The following PCLO variants were observed in gnomAD, a reference collection of about 807,000 sequenced individuals.
The protein encoded by PCLO is piccolo presynaptic cytomatrix protein, also known as protein piccolo.
In PCLO, 82 loss-of-function variants were observed where a neutral mutation model predicts 427.5. The observed-to-expected ratio is 0.19, with a 90% CI of 0.16 to 0.23. The LOEUF (loss-of-function observed/expected upper bound fraction) is 0.23. Ranked by LOEUF, PCLO falls within the 10% of genes least tolerant of loss-of-function variation. The pLI, the probability that PCLO is intolerant of heterozygous loss-of-function variation, is 1.00. For synonymous variants in PCLO, 2,357 were observed against 2,155.4 expected (o/e 1.09, Z -2.59); for missense variants, 6,239 against 6,115.9 (o/e 1.02, Z -0.67).
At chr7:83,154,655 G>T in intron 2 of PCLO, 93 bp downstream of exon 2, 1 of 922,020 alleles carries the variant, frequency 1.1e-6, no homozygotes, top group Non-Finnish European at 1.7e-6. Context: ...GAAAGACAAT[G>T]CCATCATGTC....
intron 3 of PCLO, among the ~76,000 whole-genome samples, chr7:83,017,219 G>C (rs1219496192): frequency 2.6e-5 from 4 of 152,094 alleles, no homozygotes; most frequent in African/African-American, 9.7e-5. Flanking sequence ...TATATCTTCT[G>C]TGAGGTAATG....
chr7:82,904,613 A>T (rs776778910), intron 8 of PCLO, among the ~76,000 whole-genome samples: 1 of 151,972 alleles, frequency 6.6e-6, no homozygotes, highest in African/African-American at 2.4e-5. Flanking sequence ...TCACAAATAA[A>T]CTAAGAAAAC....
At chr7:82,970,171 T>G (rs971010540) in intron 3 of PCLO, among the ~76,000 whole-genome samples, 1 of 151,958 alleles carries the variant, frequency 6.6e-6, no homozygotes, top group African/African-American at 2.4e-5. Context: ...AGGTAAAAAT[T>G]AAACAATAAA....
At chr7:83,073,510 G>A (rs1357795306) in intron 3 of PCLO, among the ~76,000 whole-genome samples, 2 of 151,964 alleles carry the variant, frequency 1.3e-5, no homozygotes, top group Admixed American at 1.3e-4. Flanking sequence ...TGCATTGGAG[G>A]AGAAACATAC....
chr7:82,947,674 GA>G (rs971754400), intron 6 of PCLO, among the ~76,000 whole-genome samples: 12 of 152,040 alleles, frequency 7.9e-5, no homozygotes, highest in Admixed American at 5.9e-4. Flanking sequence ...CTGGAAAAAA[GA>G]ACCAATGAAT....
intron 9 of PCLO, among the ~76,000 whole-genome samples, chr7:82,897,021 G>GA (rs893964422): frequency 2.0e-5 from 3 of 150,820 alleles, no homozygotes; most frequent in African/African-American, 4.9e-5. Context: ...TTTTAAATAA[G>GA]AAAAAAAAGG....
At chr7:82,994,558 C>T (rs1462428072) in intron 3 of PCLO, among the ~76,000 whole-genome samples, 2 of 151,650 alleles carry the variant, frequency 1.3e-5, no homozygotes, top group Non-Finnish European at 2.9e-5. Flanking sequence ...GAATAAATGA[C>T]TTGATCAGAT....
rs116596116 is a variant in PCLO, at chr7:82,760,317, C to T, written c.15288+322G>A. 7.0e-3 allele frequency among the ~76,000 whole-genome samples: 1,070 copies of T among 151,884 alleles called. 9 individuals are homozygous for T. Among genetic ancestry groups the T allele is most frequent in the African/African-American group, 0.025 (1,020 of 41,472 alleles). ...AACTAAAGGGATAAGGCATAAATGA[C>T]AATAGGCCAGGTAAACAGATGAAAT... On this transcript the variant is annotated intron_variant, in intron 24 of 24. Transcript: ENST00000333891.
intron 2 of PCLO, among the ~76,000 whole-genome samples, chr7:83,144,563 A>G (rs6946416): frequency 0.021 from 3,123 of 152,266 alleles, 46 homozygotes; most frequent in Non-Finnish European, 0.031. Context: ...TTTTACATAG[A>G]TATATGTATA....
rs910107627 is a variant in PCLO at position 83,022,335 on chromosome 7, C to A, written c.3301-55848G>T. On this transcript the variant is annotated intron_variant, in intron 3 of 24. Transcript: ENST00000333891. ...AGTCTAAGGTATTTTATTAGAGCAG[C>A]CTGAATGAACTAAAACAGTATATAA... Among the ~76,000 whole-genome samples, 3 of 151,998 alleles carry A rather than the reference C, an allele frequency of 2.0e-5. No individual in the cohort carries two copies. In the South Asian group the frequency reaches 6.2e-4, roughly 32 times the overall value.
intron 10 of PCLO, among the ~76,000 whole-genome samples, chr7:82,861,384 G>T (rs986661070): frequency 1.9e-4 from 29 of 152,026 alleles, no homozygotes; most frequent in African/African-American, 7.0e-4. Flanking sequence ...CAAGACAAAA[G>T]CTATAAGAAG....
At chr7:83,079,865 T>C (rs533371469) in intron 3 of PCLO, among the ~76,000 whole-genome samples, 2 of 151,850 alleles carry the variant, frequency 1.3e-5, no homozygotes, top group Admixed American at 1.3e-4. Flanking sequence ...CCTAATGCTC[T>C]CCCTCCTCCT....
intron 3 of PCLO, among the ~76,000 whole-genome samples, chr7:83,026,687 T>C (rs965199847): frequency 6.6e-6 from 1 of 151,986 alleles, no homozygotes; most frequent in African/African-American, 2.4e-5. Context: ...TATTCCAAAA[T>C]TGACCACATA....
intron 3 of PCLO, among the ~76,000 whole-genome samples, chr7:83,103,199 A>C (rs1790777147): frequency 6.6e-6 from 1 of 151,936 alleles, no homozygotes; most frequent in Non-Finnish European, 1.5e-5. Context: ...GTTTTTGAGA[A>C]GATGCACTAA....
intron 3 of PCLO, among the ~76,000 whole-genome samples, chr7:83,044,621 T>C (rs1262783914): frequency 6.6e-6 from 1 of 152,136 alleles, no homozygotes; most frequent in Non-Finnish European, 1.5e-5. Context: ...TAATAAAATT[T>C]GTTGAGGGTT....
chr7:83,070,095 C>T (rs1278361687), intron 3 of PCLO, among the ~76,000 whole-genome samples: 1 of 152,056 alleles, frequency 6.6e-6, no homozygotes, highest in African/African-American at 2.4e-5. Flanking sequence ...TGGGCTCACA[C>T]TCTCTCATGC....
At chr7:82,908,338 A>G (rs1022034441) in intron 8 of PCLO, among the ~76,000 whole-genome samples, 1 of 152,062 alleles carries the variant, frequency 6.6e-6, no homozygotes, top group Non-Finnish European at 1.5e-5. Context: ...CTGATTAGCA[A>G]TATCTACTTT....
intron 9 of PCLO, among the ~76,000 whole-genome samples, chr7:82,893,277 C>T (rs1233278791): frequency 6.6e-6 from 1 of 152,082 alleles, no homozygotes; most frequent in Non-Finnish European, 1.5e-5. Flanking sequence ...TTTGTAGGGA[C>T]ATGGATGAAG....
chr7:82,822,388 A>T (rs1461150302), intron 20 of PCLO, 107 bp downstream of exon 20: 1 of 1,598,506 alleles, frequency 6.3e-7, no homozygotes, highest in Non-Finnish European at 8.5e-7. Context: ...GAACAGGGTG[A>T]GCAGAGGATG....
Sources: gnomAD v4.1 joint callset for allele counts (sites outside exome capture counted in the v4.1 genomes callset) on GRCh38, gnomAD v4.1.1 for gene constraint, MANE v1.5 for transcripts, NCBI Gene and HGNC (gene_info 2026-07-23, HGNC 2026-07-21) for gene names.